Variants in ABHD2 observed in about 807,000 individuals in gnomAD.
The protein encoded by ABHD2 is monoacylglycerol lipase ABHD2.
A neutral mutation model predicts 48.1 loss-of-function variants in ABHD2; 20 were observed. The ratio of observed to expected loss-of-function variants is 0.42; its 90% CI spans 0.29 to 0.60. The LOEUF (loss-of-function observed/expected upper bound fraction) is 0.60. Among genes scored for constraint, ABHD2 ranks in the 20% least tolerant of loss-of-function variants. The pLI is 0.24. For synonymous variants in ABHD2, 209 were observed against 214.2 expected, an observed-to-expected ratio of 0.98 and a Z score of 0.21; for missense variants, 405 against 550.9, an observed-to-expected ratio of 0.74 and a Z score of 2.65.
At position 89,186,766 on chromosome 15, in the gene ABHD2, A is replaced by G. The variant is rs1596160116; in HGVS notation, c.815+1250A>G. On this transcript the variant is annotated intron_variant, in intron 7 of 10. Coordinates refer to ENST00000352732, the MANE Select transcript of ABHD2 (RefSeq NM_152924.5). This position sits in a 1 kb window ranked among gnomAD's most constrained non-coding sequence, Gnocchi z 4.3. ...TTTTGGTATCACCCTAGAAAAAGCAATCTGACTAAATGATCAATTTCTTGT... is the reference window on the plus strand; with the variant it reads ...TTTTGGTATCACCCTAGAAAAAGCAGTCTGACTAAATGATCAATTTCTTGT... 6.6e-6 allele frequency among the ~76,000 whole-genome samples: 1 copy of G among 152,178 alleles called. No individual in the cohort carries two copies. Among genetic ancestry groups the G allele is most frequent in the Non-Finnish European group, 1.5e-5 (1 of 68,022 alleles).
chr15:89,149,597 A>AC (rs557860167), intron 3 of ABHD2, among the ~76,000 whole-genome samples: 132 of 152,014 alleles, frequency 8.7e-4, no homozygotes, highest in African/African-American at 2.9e-3. Context: ...AGAAGGGGCA[A>AC]CCCCCCCAGC....
chr15:89,086,059 G>A (rs1180549768), upstream of ABHD2, among the ~76,000 whole-genome samples: 2 of 151,872 alleles, frequency 1.3e-5, no homozygotes, highest in Non-Finnish European at 1.5e-5. Flanking sequence ...CTGAGACAGA[G>A]TCTCACTCTG....
At chr15:89,183,729 C>T (rs1169991175) in intron 6 of ABHD2, among the ~76,000 whole-genome samples, 2 of 152,064 alleles carry the variant, frequency 1.3e-5, no homozygotes, top group Admixed American at 6.5e-5. Flanking sequence ...TATGGCCACA[C>T]CCTCCTCCCT....
At chr15:89,139,929 A>G (rs934339445) in intron 3 of ABHD2, among the ~76,000 whole-genome samples, 3 of 152,182 alleles carry the variant, frequency 2.0e-5, no homozygotes, top group Non-Finnish European at 4.4e-5. Flanking sequence ...ATCACCAGCC[A>G]TTTGAGTGTG....
chr15:89,095,539 C>G (rs1447006977), intron 1 of ABHD2, among the ~76,000 whole-genome samples: 2 of 152,184 alleles, frequency 1.3e-5, no homozygotes, highest in Non-Finnish European at 2.9e-5. Context: ...ACCCCAGCAA[C>G]CTGCTGGAAT....
chr15:89,076,334 G>T, the ABHD2 span, among the ~76,000 whole-genome samples: 1 of 152,160 alleles, frequency 6.6e-6, no homozygotes, highest in East Asian at 1.9e-4. Context: ...CATTCTTGTG[G>T]AGCAAATGCC....
At chr15:89,178,189 T>G (rs1053783251) in intron 6 of ABHD2, among the ~76,000 whole-genome samples, 2 of 152,216 alleles carry the variant, frequency 1.3e-5, no homozygotes, top group Admixed American at 6.5e-5. Flanking sequence ...TAAGATCATG[T>G]GGTCCTGCAT....
rs1160540135 is a variant in ABHD2, at chr15:89,167,165, T to C, written c.539-8647T>C. Among the ~76,000 whole-genome samples the C allele has an allele frequency of 6.6e-6, 1 of 152,206 alleles. No homozygotes were observed. The highest frequency in any genetic ancestry group is 1.5e-5 in the Non-Finnish European group (1 of 68,026). ...TTTTAAGGAACTTCTATTTTGTTTT[T>C]ACTGCTTAATATCTTACAATCTTCT... is the stretch of plus-strand genomic sequence containing the variant. On this transcript the variant is annotated intron_variant, in intron 5 of 10. Coordinates refer to ENST00000352732, the MANE Select transcript of ABHD2 (RefSeq NM_152924.5). The surrounding 1 kb of genome is among the most constrained non-coding windows in gnomAD (Gnocchi z 5.5).
chr15:89,193,864 T>C (rs1225521624), intron 10 of ABHD2, among the ~76,000 whole-genome samples: 1 of 144,868 alleles, frequency 6.9e-6, no homozygotes, highest in African/African-American at 2.6e-5. Flanking sequence ...GAGCTTGCAG[T>C]GAGCCGAGAT....
rs1307234338 is a variant in ABHD2, at chr15:89,188,341, A to G, written c.926+38A>G. On this transcript the variant is annotated intron_variant, in intron 8 of 10. Transcript: ENST00000352732. This position sits in a 1 kb window ranked among gnomAD's most constrained non-coding sequence, Gnocchi z 4.1. Reference sequence around the variant, plus strand: ...AGGCGGGAGAGGGACGCTCTGGGGCAGGGTGCCAGGCAGGAGGCTGCAGGT... The same window carrying G: ...AGGCGGGAGAGGGACGCTCTGGGGCGGGGTGCCAGGCAGGAGGCTGCAGGT... 2 of 1,591,820 alleles carry G rather than the reference A, an allele frequency of 1.3e-6. No individual in the cohort carries two copies. Among genetic ancestry groups the G allele is most frequent in the Non-Finnish European group, 8.6e-7 (1 of 1,161,002 alleles).
the ABHD2 span, among the ~76,000 whole-genome samples, chr15:89,063,425 A>C: frequency 6.6e-6 from 1 of 152,136 alleles, no homozygotes; most frequent in South Asian, 2.1e-4. Flanking sequence ...CAGTAATCTG[A>C]CTACCAAAAG....
At chr15:89,064,259 G>T in the ABHD2 span, among the ~76,000 whole-genome samples, 1 of 121,110 alleles carries the variant, frequency 8.3e-6, no homozygotes, top group South Asian at 2.5e-4. Context: ...TCATTCTGTT[G>T]CCCAGGCTGG....
intron 3 of ABHD2, among the ~76,000 whole-genome samples, chr15:89,123,032 C>T (rs144770617): frequency 1.3e-3 from 199 of 152,276 alleles, no homozygotes; most frequent in African/African-American, 4.6e-3. Context: ...CAAAGGTAAT[C>T]GCTTTCTTCT....
In ABHD2 at chr15:89,182,280, A is replaced by G. The variant is rs1212495872; in HGVS notation, c.723-3144A>G. On this transcript the variant is annotated intron_variant, in intron 6 of 10. Transcript: ENST00000352732. This position sits in a 1 kb window ranked among gnomAD's most constrained non-coding sequence, Gnocchi z 4.8. ...GGTTCTTTCTGAAGTTTTGAAACCTACCCTCCTTCCAGCAAGATTCACTCT... is the reference window on the plus strand; with the variant it reads ...GGTTCTTTCTGAAGTTTTGAAACCTGCCCTCCTTCCAGCAAGATTCACTCT... 1.3e-5 allele frequency among the ~76,000 whole-genome samples: 2 copies of G among 152,112 alleles called. No individual in the cohort carries two copies. The highest frequency in any genetic ancestry group is 2.9e-5 in the Non-Finnish European group (2 of 68,014).
At chr15:89,043,992 T>A in the ABHD2 span, among the ~76,000 whole-genome samples, 6 of 151,990 alleles carry the variant, frequency 3.9e-5, no homozygotes, top group Non-Finnish European at 8.8e-5. Context: ...CATGCTGGTG[T>A]GCTGCACCCA....
chr15:89,183,375 A>C (rs1171646105), intron 6 of ABHD2: 1 of 71,832 alleles, frequency 1.4e-5, no homozygotes, highest in Non-Finnish European at 2.6e-5. Context: ...TTTCAAAAAA[A>C]AAAAAAAAAA....
chr15:89,191,396 A>G (rs2051302846), intron 9 of ABHD2, among the ~76,000 whole-genome samples: 1 of 152,088 alleles, frequency 6.6e-6, no homozygotes, highest in Non-Finnish European at 1.5e-5. Flanking sequence ...AAGTGCTCCA[A>G]CACCCACTTT....
chr15:89,158,572 G>A (rs1417870613), intron 5 of ABHD2, among the ~76,000 whole-genome samples: 1 of 152,206 alleles, frequency 6.6e-6, no homozygotes, highest in East Asian at 1.9e-4. Context: ...TGTGGCTCGA[G>A]CAGTTTCTTA....
chr15:89,150,140 G>C (rs1348999550), intron 3 of ABHD2, among the ~76,000 whole-genome samples: 2 of 152,192 alleles, frequency 1.3e-5, no homozygotes, highest in Non-Finnish European at 2.9e-5. Context: ...TCAGAAGGTA[G>C]GCATATGAAA....
Sources: gnomAD v4.1 joint callset for allele counts (sites outside exome capture counted in the v4.1 genomes callset) on GRCh38, gnomAD v4.1.1 for gene constraint, Gnocchi (gnomAD v3.1) non-coding constraint, MANE v1.5 for transcripts, NCBI Gene and HGNC (gene_info 2026-07-23, HGNC 2026-07-21) for gene names.